GPR141: variants seen among roughly 807,000 people sequenced by gnomAD.
GPR141 encodes probable G protein-coupled receptor 141.
Under a neutral mutation model 6.8 loss-of-function variants are expected in GPR141, and 6 were observed. That is an observed-to-expected ratio of 0.88 (90% CI 0.48 to 1.74). The LOEUF (loss-of-function observed/expected upper bound fraction) is 1.74. GPR141 is among the 40% of genes most tolerant of loss of function. The probability of loss-of-function intolerance (pLI) is 0.01; values close to 1 mark genes in which losing one functional copy is unlikely to be tolerated. For synonymous variants in GPR141, 140 were observed against 142.3 expected (o/e 0.98, Z 0.11); for missense variants, 372 against 372.9 (o/e 1.00, Z 0.02).
intron 2 of GPR141, among the ~76,000 whole-genome samples, chr7:37,723,815 C>A (rs1483632351): frequency 6.6e-6 from 1 of 152,166 alleles, no homozygotes; most frequent in African/African-American, 2.4e-5. Flanking sequence ...GGAACACAGT[C>A]CCCCAGATTT....
At chr7:37,733,192 T>C (rs905593450) in intron 2 of GPR141, among the ~76,000 whole-genome samples, 2 of 152,212 alleles carry the variant, frequency 1.3e-5, no homozygotes, top group Non-Finnish European at 2.9e-5. Flanking sequence ...CTGAATGTTT[T>C]GCAGCTATAT....
intron 2 of GPR141, among the ~76,000 whole-genome samples, chr7:37,730,255 A>G (rs10233369): frequency 0.38 from 57,013 of 151,990 alleles, 10,795 homozygotes; most frequent in Middle Eastern, 0.42. Flanking sequence ...CTTGACACAT[A>G]CCATGTTCCA....
chr7:37,689,961 G>A (rs1809682643), intron 2 of GPR141, among the ~76,000 whole-genome samples: 1 of 148,684 alleles, frequency 6.7e-6, no homozygotes, highest in South Asian at 2.1e-4. Flanking sequence ...TTTTGTTTTT[G>A]TTTTTCTAGT....
intron 2 of GPR141, among the ~76,000 whole-genome samples, chr7:37,707,542 G>A (rs1473753850): frequency 3.3e-5 from 5 of 152,156 alleles, no homozygotes; most frequent in Non-Finnish European, 5.9e-5. Flanking sequence ...CATTTATCAA[G>A]TGTACACTCT....
chr7:37,704,216 C>G (rs1377630745), intron 2 of GPR141, among the ~76,000 whole-genome samples: 1 of 150,972 alleles, frequency 6.6e-6, no homozygotes, highest in Non-Finnish European at 1.5e-5. Context: ...TAGACTGTGT[C>G]TTTCTCTGGA....
intron 2 of GPR141, among the ~76,000 whole-genome samples, chr7:37,723,751 G>A (rs1477677272): frequency 6.6e-6 from 1 of 152,156 alleles, no homozygotes; most frequent in Non-Finnish European, 1.5e-5. Context: ...AGGCCAGATG[G>A]TGTGTCAAAG....
intron 2 of GPR141, among the ~76,000 whole-genome samples, chr7:37,729,752 T>C (rs1811826776): frequency 6.6e-6 from 1 of 152,176 alleles, no homozygotes; most frequent in African/African-American, 2.4e-5. Flanking sequence ...GGGGTAATAT[T>C]TTGGGAAGAG....
intron 2 of GPR141, among the ~76,000 whole-genome samples, chr7:37,701,499 C>T (rs772259675): frequency 4.6e-5 from 7 of 152,132 alleles, no homozygotes; most frequent in Non-Finnish European, 7.4e-5. Flanking sequence ...AAACATGGGA[C>T]TCCCAGTAAA....
intron 2 of GPR141, among the ~76,000 whole-genome samples, chr7:37,694,740 ATT>A (rs1458353455): frequency 6.6e-6 from 1 of 152,162 alleles, no homozygotes; most frequent in Non-Finnish European, 1.5e-5. Context: ...TCTCACAGGA[ATT>A]AATAGAGCAA....
intron 2 of GPR141, chr7:37,709,860 C>T (rs1810706929): frequency 6.6e-6 from 1 of 152,216 alleles, no homozygotes; most frequent in Admixed American, 6.5e-5. Context: ...ATCACAGCAG[C>T]AGGGACTAAA....
chr7:37,719,801 T>C (rs1811228409), intron 2 of GPR141, among the ~76,000 whole-genome samples: 1 of 152,158 alleles, frequency 6.6e-6, no homozygotes, highest in East Asian at 1.9e-4. Context: ...TGAAAAACAT[T>C]CCTTCGACTC....
rs1812612141 is a variant in GPR141, at chr7:37,742,436, C to T, written c.*1125C>T. Among the ~76,000 whole-genome samples the T allele has an allele frequency of 2.0e-5, 3 of 151,834 alleles. No homozygotes were observed. The South Asian group carries it at 6.2e-4, about 32-fold the overall frequency. On this transcript the variant is annotated 3_prime_UTR_variant, in exon 3 of 3. Transcript: ENST00000334425. ...ACAGGCCCCATTGTGTGATGTTCCCCTCCCTGTGTCCATGTGTTTTCATTG... is the reference window on the plus strand; with the variant it reads ...ACAGGCCCCATTGTGTGATGTTCCCTTCCCTGTGTCCATGTGTTTTCATTG...
intron 2 of GPR141, among the ~76,000 whole-genome samples, chr7:37,733,299 G>T (rs1171558913): frequency 1.3e-5 from 2 of 152,078 alleles, no homozygotes; most frequent in Non-Finnish European, 2.9e-5. Context: ...CCAGCTCCTG[G>T]GAATAACTGT....
intron 2 of GPR141, 97 bp from the exon 3 acceptor site, chr7:37,740,283 G>A (rs1248501520): frequency 1.3e-6 from 1 of 741,016 alleles, no homozygotes; most frequent in East Asian, 2.5e-5. Flanking sequence ...TATCATATAA[G>A]CACATAAATG....
Position 37,741,482 on chromosome 7 carries a change from C to T in GPR141, c.*171C>T, listed in dbSNP as rs1336921398. ...ATTGTAGTCCTTATGGGATCCCTCC[C>T]ATCTCTGAGTGATGGCCGTACAAAG... On this transcript the variant is annotated 3_prime_UTR_variant, in exon 3 of 3. Transcript: ENST00000334425. 2 of 558,470 alleles carry T rather than the reference C, an allele frequency of 3.6e-6. No individual in the cohort carries two copies. The highest frequency in any genetic ancestry group is 6.3e-6 in the Non-Finnish European group (2 of 319,960). 34.6% of individuals were successfully genotyped at this position (558,470 alleles called of 1,614,324 possible). A position where few individuals can be genotyped will look rare whatever the true frequency, so the allele number is the denominator to read the frequency against.
rs1812619656 is a variant in GPR141, at chr7:37,742,569, A to G, written c.*1258A>G. On this transcript the variant is annotated 3_prime_UTR_variant, in exon 3 of 3. Coordinates refer to ENST00000334425, the MANE Select transcript of GPR141 (RefSeq NM_001381946.1). ...GTTAAAATTATATATTTTTAAATAA[A>G]TGAAAACTGTGTTTTTAAAAGAGGA... 6.6e-6 allele frequency among the ~76,000 whole-genome samples: 1 copy of G among 152,204 alleles called. No individual in the cohort carries two copies. Among genetic ancestry groups the G allele is most frequent in the Non-Finnish European group, 1.5e-5 (1 of 68,036 alleles).
chr7:37,691,288 C>CATTTTTTTT (rs1809754161), intron 2 of GPR141, among the ~76,000 whole-genome samples: 1 of 63,090 alleles, frequency 1.6e-5, no homozygotes, highest in East Asian at 5.2e-4. Flanking sequence ...AGTCTATATC[C>CATTTTTTTT]TTTTTTTTTT....
chr7:37,692,685 T>C (rs1246362295), intron 2 of GPR141, among the ~76,000 whole-genome samples: 1 of 152,154 alleles, frequency 6.6e-6, no homozygotes, highest in Non-Finnish European at 1.5e-5. Flanking sequence ...TTAATGATAC[T>C]ATTCTAACTG....
At chr7:37,736,902 G>A (rs749701509) in intron 2 of GPR141, among the ~76,000 whole-genome samples, 2 of 152,112 alleles carry the variant, frequency 1.3e-5, no homozygotes, top group Non-Finnish European at 2.9e-5. Flanking sequence ...AAAAATAAAT[G>A]ACTAGGGATT....
Sources: allele counts gnomAD v4.1 joint callset (sites outside exome capture counted in the v4.1 genomes callset), GRCh38; gene constraint gnomAD v4.1.1; transcripts MANE v1.5; gene names NCBI Gene and HGNC (gene_info 2026-07-23, HGNC 2026-07-21).